Variants in WWTR1 observed in about 807,000 individuals in gnomAD.
WWTR1 encodes the protein WW domain containing transcription regulator 1.
A neutral mutation model predicts 40.1 loss-of-function variants in WWTR1; 13 were observed. The ratio of observed to expected loss-of-function variants is 0.32; its 90% CI spans 0.21 to 0.52. The LOEUF is 0.52. Ranked by LOEUF, WWTR1 falls within the 20% of genes least tolerant of loss-of-function variation. The pLI is 0.97. For missense variants in WWTR1, 436 were observed against 523.1 expected (o/e 0.83, Z 1.63); for synonymous variants, 230 against 210.1 (o/e 1.09, Z -0.82).
At chr3:149,539,605 G>C (rs1474889314) in intron 4 of WWTR1, among the ~76,000 whole-genome samples, 2 of 152,176 alleles carry the variant, frequency 1.3e-5, no homozygotes, top group African/African-American at 4.8e-5. Context: ...AGGACAGAGA[G>C]AACAAACAGA....
intron 2 of WWTR1, among the ~76,000 whole-genome samples, chr3:149,663,806 A>T (rs1057452997): frequency 1.3e-5 from 2 of 152,184 alleles, no homozygotes; most frequent in African/African-American, 4.8e-5. Context: ...CCATTAGTGT[A>T]CTGTGCAGTT....
intron 5 of WWTR1, 28 bp from the exon 6 acceptor site, chr3:149,526,153 A>G: frequency 1.3e-6 from 2 of 1,502,450 alleles, no homozygotes; most frequent in African/African-American, 2.8e-5. Flanking sequence ...AAGAAACTTC[A>G]ATATGAGCCC....
At chr3:149,628,048 G>C (rs1740657356) in intron 2 of WWTR1, among the ~76,000 whole-genome samples, 1 of 145,976 alleles carries the variant, frequency 6.9e-6, no homozygotes, top group Non-Finnish European at 1.5e-5. Flanking sequence ...GCTGTAGCCT[G>C]GGCAACAAGA....
intron 2 of WWTR1, among the ~76,000 whole-genome samples, chr3:149,609,758 G>T (rs1161497171): frequency 6.6e-6 from 1 of 152,200 alleles, no homozygotes; most frequent in African/African-American, 2.4e-5. Flanking sequence ...AGCCAGGGTT[G>T]TCCCCACCAA....
chr3:149,714,087 C>A (rs1576650255), intron 5 of WWTR1, among the ~76,000 whole-genome samples: 1 of 152,320 alleles, frequency 6.6e-6, no homozygotes, highest in South Asian at 2.1e-4. Flanking sequence ...GCAGTGCGGT[C>A]GGACGTGAAG....
chr3:149,643,770 A>G (rs1285814709), intron 2 of WWTR1, among the ~76,000 whole-genome samples: 1 of 152,176 alleles, frequency 6.6e-6, no homozygotes, highest in Non-Finnish European at 1.5e-5. Context: ...TGGAAAAGTC[A>G]TTCACTGGAC....
At chr3:149,648,016 C>T (rs1576620815) in intron 2 of WWTR1, among the ~76,000 whole-genome samples, 3 of 152,288 alleles carry the variant, frequency 2.0e-5, no homozygotes, top group East Asian at 3.9e-4. Flanking sequence ...AGCATTTCTG[C>T]CTCTATACCT....
chr3:149,719,499 A>T (rs2108237125), intron 4 of WWTR1, among the ~76,000 whole-genome samples: 1 of 152,222 alleles, frequency 6.6e-6, no homozygotes, highest in East Asian at 1.9e-4. Flanking sequence ...TATTGTAAGT[A>T]TATATCACAT....
intron 2 of WWTR1, among the ~76,000 whole-genome samples, chr3:149,573,556 TA>T (rs1326662325): frequency 6.6e-6 from 1 of 152,102 alleles, no homozygotes; most frequent in Non-Finnish European, 1.5e-5. Context: ...AGGTGACACA[TA>T]AAACCCTCAA....
intron 5 of WWTR1, among the ~76,000 whole-genome samples, chr3:149,709,581 T>C (rs912827687): frequency 5.3e-5 from 8 of 152,192 alleles, no homozygotes; most frequent in Non-Finnish European, 1.0e-4. Flanking sequence ...GTTGTTTTTT[T>C]GGAAGGATAC....
chr3:149,634,766 G>A (rs923325691), intron 2 of WWTR1, among the ~76,000 whole-genome samples: 3 of 152,182 alleles, frequency 2.0e-5, no homozygotes, highest in Non-Finnish European at 4.4e-5. Flanking sequence ...GCTGGCATTC[G>A]CCCTTTCACA....
chr3:149,554,166 A>T (rs1331610520), intron 3 of WWTR1, among the ~76,000 whole-genome samples: 2 of 152,176 alleles, frequency 1.3e-5, no homozygotes, highest in African/African-American at 2.4e-5. Context: ...CTTTATTCCA[A>T]TTCTGGGTGA....
upstream of WWTR1, chr3:149,659,463 G>C (rs1001957241): frequency 8.0e-5 from 12 of 150,122 alleles, no homozygotes; most frequent in African/African-American, 2.7e-4. Flanking sequence ...CTCCCAAGTA[G>C]CTAGGATTAA....
upstream of WWTR1, chr3:149,661,413 T>A (rs1320511081): frequency 7.3e-6 from 1 of 137,580 alleles, no homozygotes. Flanking sequence ...GAATAAAAAG[T>A]TGCAAATAAA....
chr3:149,687,778 A>G (rs908223916), intron 1 of WWTR1, among the ~76,000 whole-genome samples: 4 of 152,100 alleles, frequency 2.6e-5, no homozygotes, highest in Non-Finnish European at 5.9e-5. Context: ...GCCATGGTAA[A>G]ATAAAGTACC....
At chr3:149,654,565 A>G (rs1713086843) in intron 2 of WWTR1, among the ~76,000 whole-genome samples, 1 of 152,210 alleles carries the variant, frequency 6.6e-6, no homozygotes, top group African/African-American at 2.4e-5. Flanking sequence ...GGATGGGCAG[A>G]GAGATCACAG....
intron 2 of WWTR1, among the ~76,000 whole-genome samples, chr3:149,601,777 G>A (rs887477503): frequency 1.3e-5 from 2 of 151,310 alleles, no homozygotes; most frequent in African/African-American, 4.9e-5. Context: ...AGGATCCTCC[G>A]GTCTACTTGA....
chr3:149,614,681 G>A (rs1439465264), intron 2 of WWTR1, among the ~76,000 whole-genome samples: 1 of 152,110 alleles, frequency 6.6e-6, no homozygotes, highest in East Asian at 1.9e-4. Flanking sequence ...TTCAAAAGGA[G>A]ACATCAGAAC....
At chr3:149,623,402 G>A (rs139892866) in intron 2 of WWTR1, among the ~76,000 whole-genome samples, 1 of 152,046 alleles carries the variant, frequency 6.6e-6, no homozygotes, top group East Asian at 1.9e-4. Context: ...TTTAAAGTGT[G>A]AAAATGGGAA....
Sources: allele counts gnomAD v4.1 joint callset (sites outside exome capture counted in the v4.1 genomes callset), GRCh38; gene constraint gnomAD v4.1.1; transcripts MANE v1.5; gene names NCBI Gene and HGNC (gene_info 2026-07-23, HGNC 2026-07-21).